Variants in ROBO2 observed in about 807,000 individuals in gnomAD.
ROBO2 encodes the protein roundabout guidance receptor 2, also known as roundabout homolog 2.
A neutral mutation model predicts 160.8 loss-of-function variants in ROBO2; 53 were observed. The ratio of observed to expected loss-of-function variants is 0.33; its 90% CI spans 0.26 to 0.41. The LOEUF is 0.41. Ranked by LOEUF, ROBO2 falls within the 10% of genes least tolerant of loss-of-function variation. The pLI is 1.00. For missense variants in ROBO2, 1,577 were observed against 1,722.4 expected (o/e 0.92, Z 1.49); for synonymous variants, 664 against 611.7 (o/e 1.09, Z -1.26).
chr3:76,348,761 A>T (rs968572395), intron 2 of ROBO2, among the ~76,000 whole-genome samples: 1 of 152,124 alleles, frequency 6.6e-6, no homozygotes, highest in African/African-American at 2.4e-5. Flanking sequence ...GCAAAGCTCA[A>T]CTGTTCTTTT....
chr3:77,331,608 T>C (rs1018194088), intron 2 of ROBO2, among the ~76,000 whole-genome samples: 1 of 152,200 alleles, frequency 6.6e-6, no homozygotes, highest in African/African-American at 2.4e-5. Flanking sequence ...TTCTTAAGAT[T>C]CAAAGAATTT....
At chr3:76,696,178 G>C (rs2593872) in intron 2 of ROBO2, among the ~76,000 whole-genome samples, 53,673 of 151,866 alleles carry the variant, frequency 0.35, 9,888 homozygotes, top group East Asian at 0.56. Flanking sequence ...TCTAGCCTCC[G>C]CAGAATTGTA....
chr3:76,607,673 C>G (rs1163788514), intron 2 of ROBO2, among the ~76,000 whole-genome samples: 1 of 152,146 alleles, frequency 6.6e-6, no homozygotes, highest in Non-Finnish European at 1.5e-5. Flanking sequence ...ATTTCTATCT[C>G]CTACATTAGA....
intron 2 of ROBO2, among the ~76,000 whole-genome samples, chr3:76,279,449 T>C (rs1183998887): frequency 1.3e-5 from 2 of 151,936 alleles, no homozygotes; most frequent in African/African-American, 4.8e-5. Flanking sequence ...TTGAATATTC[T>C]ACCACTATGG....
chr3:77,429,002 A>T (rs2078500123), intron 2 of ROBO2, among the ~76,000 whole-genome samples: 1 of 152,222 alleles, frequency 6.6e-6, no homozygotes, highest in Non-Finnish European at 1.5e-5. Flanking sequence ...CCAAAGGAAT[A>T]GTTAGTGCTA....
intron 2 of ROBO2, among the ~76,000 whole-genome samples, chr3:76,640,539 T>A (rs201028111): frequency 6.9e-6 from 1 of 144,524 alleles, no homozygotes; most frequent in African/African-American, 2.6e-5. Flanking sequence ...GTCTCAAAAA[T>A]AATAAATAAA....
At chr3:76,133,894 C>A (rs1223943991) in intron 2 of ROBO2, among the ~76,000 whole-genome samples, 1 of 151,548 alleles carries the variant, frequency 6.6e-6, no homozygotes, top group African/African-American at 2.4e-5. Context: ...TGACAACGCC[C>A]TCACAGACAC....
At chr3:77,182,294 A>G (rs2080861838) in intron 2 of ROBO2, among the ~76,000 whole-genome samples, 1 of 152,118 alleles carries the variant, frequency 6.6e-6, no homozygotes, top group South Asian at 2.1e-4. Flanking sequence ...TCAACAACTA[A>G]TGTTTGAGAA....
chr3:76,720,661 T>C (rs2107709735), intron 2 of ROBO2, among the ~76,000 whole-genome samples: 1 of 152,366 alleles, frequency 6.6e-6, no homozygotes, highest in East Asian at 1.9e-4. Flanking sequence ...TATTATAAAA[T>C]TCAAATTCAT....
intron 2 of ROBO2, among the ~76,000 whole-genome samples, chr3:77,031,614 G>C (rs997437823): frequency 3.5e-5 from 5 of 141,286 alleles, no homozygotes; most frequent in African/African-American, 1.3e-4. Flanking sequence ...TCACATTATT[G>C]ATATAAATTA....
At chr3:76,368,817 C>G (rs76540580) in intron 2 of ROBO2, among the ~76,000 whole-genome samples, 2,123 of 151,966 alleles carry the variant, frequency 0.014, 51 homozygotes, top group African/African-American at 0.049. Flanking sequence ...AGCAGGAATT[C>G]CAATTGAGAC....
intron 2 of ROBO2, among the ~76,000 whole-genome samples, chr3:76,486,431 A>T (rs953580297): frequency 1.2e-4 from 18 of 152,180 alleles, no homozygotes; most frequent in African/African-American, 4.3e-4. Flanking sequence ...TTGAGTCATG[A>T]CAATGTTGAA....
chr3:75,935,797 T>C (rs558578543), intron 1 of ROBO2, among the ~76,000 whole-genome samples: 45 of 152,284 alleles, frequency 3.0e-4, no homozygotes, highest in Admixed American at 1.8e-3. Flanking sequence ...TTGGGAGATC[T>C]AGAACTAAAT....
At chr3:76,798,308 G>GA (rs1553909509) in intron 2 of ROBO2, among the ~76,000 whole-genome samples, 51 of 149,464 alleles carry the variant, frequency 3.4e-4, no homozygotes, top group Middle Eastern at 7.0e-3. Flanking sequence ...AAGAAAGAAA[G>GA]AAAGAAAAAA....
intron 1 of ROBO2, among the ~76,000 whole-genome samples, chr3:77,078,986 C>T (rs2068322162): frequency 6.6e-6 from 1 of 152,146 alleles, no homozygotes; most frequent in Non-Finnish European, 1.5e-5. Flanking sequence ...CTGTGTCACC[C>T]AGGCTGGAGT....
intron 2 of ROBO2, among the ~76,000 whole-genome samples, chr3:76,330,933 A>C (rs1022071793): frequency 1.3e-5 from 2 of 152,200 alleles, no homozygotes; most frequent in Non-Finnish European, 1.5e-5. Context: ...CCCATAAGAA[A>C]TGTTCATTGC....
chr3:76,764,401 T>A (rs940097585), intron 2 of ROBO2, among the ~76,000 whole-genome samples: 1 of 151,868 alleles, frequency 6.6e-6, no homozygotes, highest in East Asian at 2.0e-4. Flanking sequence ...AATATTTTAA[T>A]CATACTGTAT....
At chr3:76,896,917 ACT>A (rs1188104273) in intron 2 of ROBO2, among the ~76,000 whole-genome samples, 1 of 152,078 alleles carries the variant, frequency 6.6e-6, no homozygotes, top group Non-Finnish European at 1.5e-5. Context: ...AAATCTTGCC[ACT>A]CTCTCTGTGA....
intron 2 of ROBO2, among the ~76,000 whole-genome samples, chr3:76,949,683 C>A (rs1479770957): frequency 6.6e-6 from 1 of 152,272 alleles, no homozygotes; most frequent in East Asian, 1.9e-4. Context: ...TGTAATGGAA[C>A]GAGCTTGTTT....
Sources: gnomAD v4.1 joint callset for allele counts (sites outside exome capture counted in the v4.1 genomes callset) on GRCh38, gnomAD v4.1.1 for gene constraint, MANE v1.5 for transcripts, NCBI Gene and HGNC (gene_info 2026-07-23, HGNC 2026-07-21) for gene names.